CHD6: variants seen among roughly 807,000 people sequenced by gnomAD.
The protein encoded by CHD6 is ATP-dependent chromatin remodeler CHD6.
A neutral mutation model predicts 276.9 loss-of-function variants in CHD6; 50 were observed. The ratio of observed to expected loss-of-function variants is 0.18; its 90% CI spans 0.14 to 0.23. The LOEUF (loss-of-function observed/expected upper bound fraction) is 0.23, where lower values mean the gene tolerates loss of function less well. Among genes scored for constraint, CHD6 ranks in the 10% least tolerant of loss-of-function variants. The pLI is 1.00. For synonymous variants in CHD6, 1,173 were observed against 1,229.3 expected, an observed-to-expected ratio of 0.95 and a Z score of 0.96; for missense variants, 2,564 against 3,365.8, an observed-to-expected ratio of 0.76 and a Z score of 5.89.
chr20:41,584,180 A>G (rs941624795), intron 1 of CHD6, among the ~76,000 whole-genome samples: 1 of 152,172 alleles, frequency 6.6e-6, no homozygotes, highest in African/African-American at 2.4e-5. Context: ...ACTAATCAAA[A>G]GAAAGCTAGA....
intron 1 of CHD6, among the ~76,000 whole-genome samples, chr20:41,590,234 CAT>C: frequency 6.6e-6 from 1 of 152,286 alleles, no homozygotes. Context: ...TAAAGACTTA[CAT>C]GTTAGACCTA....
At chr20:41,586,744 C>T (rs548698298) in intron 1 of CHD6, among the ~76,000 whole-genome samples, 2 of 152,098 alleles carry the variant, frequency 1.3e-5, no homozygotes, top group African/African-American at 2.4e-5. Context: ...CCATGGTCAT[C>T]GTGATACACA....
At chr20:41,478,596 A>G (rs1268571935) in intron 16 of CHD6, among the ~76,000 whole-genome samples, 2 of 152,188 alleles carry the variant, frequency 1.3e-5, no homozygotes, top group Non-Finnish European at 2.9e-5. Context: ...CAGAAAGCAG[A>G]GAAATAGAGA....
intron 1 of CHD6, among the ~76,000 whole-genome samples, chr20:41,605,054 C>T (rs543467096): frequency 6.6e-6 from 1 of 152,144 alleles, no homozygotes; most frequent in South Asian, 2.1e-4. Context: ...TAGGAGAATG[C>T]CTTTTTCCTT....
intron 17 of CHD6, among the ~76,000 whole-genome samples, chr20:41,460,630 C>A (rs1447592507): frequency 6.6e-6 from 1 of 152,186 alleles, no homozygotes; most frequent in Non-Finnish European, 1.5e-5. Context: ...TGAGGGTGCA[C>A]AGAAGTCAAG....
In CHD6 at chr20:41,573,953, GA is replaced by G. The variant is rs1479858508; in HGVS notation, c.-23-22594del. Among the ~76,000 whole-genome samples the G allele has an allele frequency of 7.4e-4, 113 of 152,126 alleles. 1 individual carries two copies. Among genetic ancestry groups the G allele is most frequent in the Non-Finnish European group, 5.9e-5 (4 of 68,026 alleles). On this transcript the variant is annotated intron_variant, in intron 1 of 36. Coordinates refer to ENST00000373233, the MANE Select transcript of CHD6 (RefSeq NM_032221.5). ...GCTCTGGGCCTTTAGAGACCACAGG[GA>G]AAAGGGCAAGAGTGGATTCCTGATC...
At chr20:41,424,583 T>C (rs2047302105) in intron 29 of CHD6, among the ~76,000 whole-genome samples, 1 of 152,256 alleles carries the variant, frequency 6.6e-6, no homozygotes, top group Non-Finnish European at 1.5e-5. Context: ...TGCAGTCTTC[T>C]TTTAATTCAT....
intron 1 of CHD6, among the ~76,000 whole-genome samples, chr20:41,595,102 T>A (rs1031769202): frequency 6.6e-6 from 1 of 152,168 alleles, no homozygotes; most frequent in African/African-American, 2.4e-5. Flanking sequence ...CACTGCCTTG[T>A]TGCAGTGGCC....
chr20:41,544,940 C>CT (rs1334832777), intron 2 of CHD6, among the ~76,000 whole-genome samples: 2 of 152,034 alleles, frequency 1.3e-5, no homozygotes, highest in African/African-American at 4.8e-5. Context: ...GGATGGGCCT[C>CT]TGAGGTCGAG....
intron 2 of CHD6, among the ~76,000 whole-genome samples, chr20:41,549,241 T>C (rs1417751002): frequency 1.3e-5 from 2 of 151,232 alleles, no homozygotes; most frequent in African/African-American, 4.9e-5. Context: ...TTGGAACCAA[T>C]CCAAATGTCC....
chr20:41,435,277 A>G (rs2047670707), intron 27 of CHD6, among the ~76,000 whole-genome samples: 2 of 152,208 alleles, frequency 1.3e-5, no homozygotes, highest in African/African-American at 2.4e-5. Context: ...TTTCAAATCA[A>G]TAACAAAGAA....
chr20:41,540,559 G>A (rs1245454934), intron 2 of CHD6, among the ~76,000 whole-genome samples: 3 of 152,198 alleles, frequency 2.0e-5, no homozygotes, highest in Admixed American at 6.5e-5. Context: ...AATGAGAGGT[G>A]TCAGCACTGA....
intron 1 of CHD6, among the ~76,000 whole-genome samples, chr20:41,586,079 G>A (rs2045591057): frequency 6.6e-6 from 1 of 152,190 alleles, no homozygotes; most frequent in Non-Finnish European, 1.5e-5. Context: ...CAGGAGGAGG[G>A]ACAATGACTG....
chr20:41,589,616 C>T (rs139961431), intron 1 of CHD6, among the ~76,000 whole-genome samples: 5,800 of 152,226 alleles, frequency 0.038, 127 homozygotes, highest in Middle Eastern at 0.071. Flanking sequence ...CTCCCATTCA[C>T]AATTGATTCA....
intron 1 of CHD6, among the ~76,000 whole-genome samples, chr20:41,586,274 C>T (rs573605377): frequency 2.6e-5 from 4 of 152,358 alleles, no homozygotes; most frequent in South Asian, 4.1e-4. Context: ...TCACAAGACC[C>T]GCCGTTGACT....
At chr20:41,439,495 T>C (rs930649931) in intron 26 of CHD6, among the ~76,000 whole-genome samples, 1 of 152,234 alleles carries the variant, frequency 6.6e-6, no homozygotes, top group African/African-American at 2.4e-5. Context: ...ATCTACTTTT[T>C]TGCACACAGT....
At chr20:41,569,878 A>T (rs1227402230) in intron 1 of CHD6, among the ~76,000 whole-genome samples, 1 of 152,168 alleles carries the variant, frequency 6.6e-6, no homozygotes, top group Non-Finnish European at 1.5e-5. Context: ...AAGGAACTGG[A>T]GCAACCTCAA....
chr20:41,483,325 A>C lies in CHD6; in HGVS notation c.2452T>G (p.Tyr818Asp). Reference sequence around the variant, plus strand: ...AAGTCTCACCTTCTCTGGATGAGGTAATCTTCTAGGATGTCGAGGCAGCGC... The same window carrying C: ...AAGTCTCACCTTCTCTGGATGAGGTCATCTTCTAGGATGTCGAGGCAGCGC... ...MVRCLDILED[Y>D]LIQRRYTYER... is the part of the protein sequence containing the mutation. The change falls in exon 16 of 37, where the codon TAC becomes GAC. Residue 818 changes from tyrosine to aspartate, a missense_variant. By Grantham distance (160) the Tyr-to-Asp change is radical. Around this residue, in one of 7 missense-constraint regions of CHD6, gnomAD observed 457 missense variants for 889.0 expected, o/e 0.51. Transcript: ENST00000373233. 6.2e-7 allele frequency: 1 copy of C among 1,612,766 alleles called. No homozygotes were observed. Among genetic ancestry groups the C allele is most frequent in the Non-Finnish European group, 8.5e-7 (1 of 1,179,408 alleles).
At chr20:41,601,719 T>C (rs1370307072) in intron 1 of CHD6, among the ~76,000 whole-genome samples, 1 of 152,252 alleles carries the variant, frequency 6.6e-6, no homozygotes, top group Non-Finnish European at 1.5e-5. Flanking sequence ...TGCCTCAGTT[T>C]CCTCATTGGT....
Sources: gnomAD v4.1 joint callset for allele counts (sites outside exome capture counted in the v4.1 genomes callset) on GRCh38, gnomAD v4.1.1 for gene constraint, gnomAD v4.1.1 regional missense constraint, MANE v1.5 for transcripts, NCBI Gene and HGNC (gene_info 2026-07-23, HGNC 2026-07-21) for gene names.